The following RBL1 variants were observed in gnomAD, a reference collection of about 807,000 sequenced individuals.
RBL1 encodes the protein retinoblastoma-like protein 1.
Under a neutral mutation model 123.0 loss-of-function variants are expected in RBL1, and 82 were observed. The observed-to-expected ratio is 0.67, with a 90% CI of 0.56 to 0.80. RBL1 has a LOEUF of 0.80. Ranked by LOEUF, RBL1 falls within the 30% of genes least tolerant of loss-of-function variation. RBL1 has a pLI of 0.00. For synonymous variants in RBL1, 405 were observed against 441.3 expected (o/e 0.92, Z 1.03); for missense variants, 1,171 against 1,299.6 (o/e 0.90, Z 1.52).
chr20:37,032,624 T>C, intron 16 of RBL1, 41 bp downstream of exon 16: 1 of 1,603,770 alleles, frequency 6.2e-7, no homozygotes, highest in Non-Finnish European at 8.5e-7. Flanking sequence ...TTTCTTCCAT[T>C]GATTAAACAA....
At chr20:37,001,255 A>T (rs951752996) in intron 21 of RBL1, among the ~76,000 whole-genome samples, 1 of 151,784 alleles carries the variant, frequency 6.6e-6, no homozygotes, top group African/African-American at 2.4e-5. Flanking sequence ...CCCGTCTGGG[A>T]GGTGTACTCA....
At chr20:37,017,532 T>A (rs2064275438) in intron 19 of RBL1, among the ~76,000 whole-genome samples, 1 of 151,916 alleles carries the variant, frequency 6.6e-6, no homozygotes, top group Non-Finnish European at 1.5e-5. Flanking sequence ...GTGCCTGAAG[T>A]CTTAGCATGA....
chr20:37,056,275 G>T lies in RBL1; in HGVS notation c.1251-17C>A. 1 of 1,541,566 alleles carries T rather than the reference G, an allele frequency of 6.5e-7. No individual in the cohort carries two copies. The highest frequency in any genetic ancestry group is 1.2e-5 in the South Asian group (1 of 84,784). ...ACACAAGATCTACAAAATACAAGAG[G>T]AACCAATTACCAAACCAAACAAAAA... On this transcript the variant is annotated splice_polypyrimidine_tract_variant and intron_variant, in intron 9 of 21. Coordinates refer to ENST00000373664, the MANE Select transcript of RBL1 (RefSeq NM_002895.5).
chr20:37,061,603 G>A lies in RBL1; in HGVS notation c.1084-334C>T, dbSNP rs558958712. On this transcript the variant is annotated intron_variant, in intron 8 of 21. Transcript: ENST00000373664. ...TGGACTAAAACTTAGGTTTTACTAT[G>A]TTCTAGACAAGTGAATTTTCCATTA... Among the ~76,000 whole-genome samples, 6 of 152,232 alleles carry A rather than the reference G, an allele frequency of 3.9e-5. No homozygotes were observed. The South Asian group carries it at 1.2e-3, about 32-fold the overall frequency.
At chr20:37,025,775 C>T (rs1485893228) in intron 16 of RBL1, among the ~76,000 whole-genome samples, 2 of 146,388 alleles carry the variant, frequency 1.4e-5, no homozygotes, top group African/African-American at 5.0e-5. Flanking sequence ...TGGAGTCTTG[C>T]TCTGTCACCC....
intron 21 of RBL1, among the ~76,000 whole-genome samples, chr20:37,003,171 T>C (rs2064015153): frequency 6.6e-6 from 1 of 152,232 alleles, no homozygotes; most frequent in Non-Finnish European, 1.5e-5. Flanking sequence ...TTTATACTGA[T>C]TCTGACTTCT....
At chr20:37,032,638 C>A (rs746292361) in intron 16 of RBL1, 27 bp downstream of exon 16, 1 of 1,610,850 alleles carries the variant, frequency 6.2e-7, no homozygotes, top group South Asian at 1.1e-5. Flanking sequence ...TAAACAAATT[C>A]TTCTAAAGTG....
In RBL1 at chr20:37,055,662, A is replaced by G. The variant is rs1223582669; in HGVS notation, c.1364-6T>C. ...TAGTCTGTTTACAGCAAAGTCTATC[A>G]GGGAAATACAGAGAAAACATGTGTT... On this transcript the variant is annotated splice_region_variant and splice_polypyrimidine_tract_variant and intron_variant, in intron 10 of 21. Coordinates refer to ENST00000373664, the MANE Select transcript of RBL1 (RefSeq NM_002895.5). 1.3e-6 allele frequency: 2 copies of G among 1,593,388 alleles called. No homozygotes were observed. Among genetic ancestry groups the G allele is most frequent in the East Asian group, 2.2e-5 (1 of 44,700 alleles).
intron 19 of RBL1, 45 bp from the exon 20 acceptor site, chr20:37,007,604 T>C (rs774581580): frequency 1.3e-6 from 2 of 1,587,204 alleles, no homozygotes; most frequent in South Asian, 2.3e-5. Context: ...ATACTTTTTA[T>C]TTTTTTGAGA....
intron 2 of RBL1, among the ~76,000 whole-genome samples, chr20:37,073,224 T>G (rs1221145504): frequency 6.6e-6 from 1 of 152,140 alleles, no homozygotes; most frequent in Non-Finnish European, 1.5e-5. Flanking sequence ...ATATAATCCA[T>G]TGTACATACT....
chr20:37,040,210 G>A lies in RBL1; in HGVS notation c.1846C>T (p.Pro616Ser). 2 of 1,614,078 alleles carry A rather than the reference G, an allele frequency of 1.2e-6. No individual in the cohort carries two copies. Among genetic ancestry groups the A allele is most frequent in the Non-Finnish European group, 1.7e-6 (2 of 1,180,004 alleles). ...TCCTTGACTCTTGGGTGCATTAGAGGAGACATTGGCATCAGGGGAAGATGT... is the reference window on the plus strand; with the variant it reads ...TCCTTGACTCTTGGGTGCATTAGAGAAGACATTGGCATCAGGGGAAGATGT... The part of the protein sequence containing the change: ...QGHLPLMPMS[P>S]LMHPRVKEVR... Residue 616 changes from proline to serine, a missense_variant, in exon 14 of 22, where the codon CCT becomes TCT. Pro to Ser is a moderately conservative substitution (Grantham distance 74). Coordinates refer to ENST00000373664, the MANE Select transcript of RBL1 (RefSeq NM_002895.5).
chr20:37,000,306 G>C (rs549614692), intron 21 of RBL1, among the ~76,000 whole-genome samples: 1 of 150,030 alleles, frequency 6.7e-6, no homozygotes, highest in African/African-American at 2.5e-5. Flanking sequence ...CAGCCACCCC[G>C]TCTGGGAGGG....
chr20:37,008,586 C>T (rs1357446508), intron 19 of RBL1, among the ~76,000 whole-genome samples: 2 of 152,152 alleles, frequency 1.3e-5, no homozygotes, highest in East Asian at 1.9e-4. Context: ...CTATCATTTA[C>T]TTGTATACAC....
intron 12 of RBL1, among the ~76,000 whole-genome samples, chr20:37,045,085 T>TTACTTACTTAC (rs1568853155): frequency 6.9e-5 from 5 of 72,650 alleles, no homozygotes; most frequent in African/African-American, 2.5e-4. Context: ...TATTTACTTA[T>TTACTTACTTAC]TTATTTATTT....
intron 9 of RBL1, 93 bp from the exon 10 acceptor site, chr20:37,056,351 CTTTTTTTTTTTT>C: frequency 4.1e-6 from 4 of 971,338 alleles, no homozygotes; most frequent in East Asian, 8.2e-5. Flanking sequence ...CCTTCTTCTT[CTTTTTTTTTTTT>C]TTTTTTTTTG....
At chr20:37,002,793 C>T (rs6103174) in intron 21 of RBL1, among the ~76,000 whole-genome samples, 4,405 of 152,042 alleles carry the variant, frequency 0.029, 152 homozygotes, top group African/African-American at 0.083. Flanking sequence ...TCTCGGCTCA[C>T]TGCAACCTCC....
Position 37,086,811 on chromosome 20 carries a change from T to C in RBL1, c.290+2178A>G, listed in dbSNP as rs146539251. Among the ~76,000 whole-genome samples the C allele has an allele frequency of 1.2e-4, 19 of 152,148 alleles. No individual in the cohort carries two copies. In the East Asian group the frequency reaches 3.5e-3, roughly 28 times the overall value. On this transcript the variant is annotated intron_variant, in intron 2 of 21. Transcript: ENST00000373664. ...AAAGATGTATCTGAGACCCATAGAG[T>C]AGCTGCAAGGTGAAAAAAATTAATA...
intron 21 of RBL1, 115 bp downstream of exon 21, chr20:37,003,587 T>G: frequency 7.4e-7 from 1 of 1,357,146 alleles, no homozygotes; most frequent in Non-Finnish European, 9.6e-7. Context: ...AGTTAACATT[T>G]CATATTTTAT....
chr20:37,040,330 C>T, intron 13 of RBL1, 45 bp from the exon 14 acceptor site: 1 of 1,578,992 alleles, frequency 6.3e-7, no homozygotes, highest in Non-Finnish European at 8.6e-7. Context: ...GATAAACTTG[C>T]TGATTAAAAC....
Sources: allele counts gnomAD v4.1 joint callset (sites outside exome capture counted in the v4.1 genomes callset), GRCh38; gene constraint gnomAD v4.1.1; transcripts MANE v1.5; gene names NCBI Gene and HGNC (gene_info 2026-07-23, HGNC 2026-07-21).